Variants in ARMH4 observed in about 807,000 individuals in gnomAD.
ARMH4 encodes the protein armadillo like helical domain containing 4.
A neutral mutation model predicts 61.9 loss-of-function variants in ARMH4; 49 were observed. The ratio of observed to expected loss-of-function variants is 0.79; its 90% CI spans 0.63 to 1.00. The LOEUF (loss-of-function observed/expected upper bound fraction) is 1.00. Among genes scored for constraint, ARMH4 ranks in the 50% least tolerant of loss-of-function variants. The probability of loss-of-function intolerance (pLI) is 0.00; values close to 1 mark genes in which losing one functional copy is unlikely to be tolerated. For synonymous variants in ARMH4, 368 were observed against 341.5 expected (o/e 1.08, Z -0.85); for missense variants, 934 against 930.0 (o/e 1.00, Z -0.06).
intron 4 of ARMH4, among the ~76,000 whole-genome samples, chr14:58,127,393 C>T (rs1475971774): frequency 1.3e-5 from 2 of 152,140 alleles, no homozygotes; most frequent in Non-Finnish European, 2.9e-5. Flanking sequence ...CCTATACAAG[C>T]TCTCTTGCCT....
At position 58,096,878 on chromosome 14, in the gene ARMH4, C is replaced by T. The variant is rs1288177194; in HGVS notation, c.1935G>A (p.Glu645=). ...GCAGCTCAGTGTCACCATCCAAGCC[C>T]TCATCCAGCGAGTCTGCATCTTTAT... ...EEDKDADSLD[E]GLDGDTELPG... Residue 645 remains glutamate (E), a synonymous_variant, in exon 5 of 8, where the codon GAG becomes GAA. Coordinates refer to ENST00000267485, the MANE Select transcript of ARMH4 (RefSeq NM_001001872.4). 4.3e-6 allele frequency: 7 copies of T among 1,614,118 alleles called. No homozygotes were observed. The highest frequency in any genetic ancestry group is 2.2e-5 in the South Asian group (2 of 91,068).
At chr14:58,112,552 A>G (rs1268028227) in intron 4 of ARMH4, among the ~76,000 whole-genome samples, 3 of 152,096 alleles carry the variant, frequency 2.0e-5, no homozygotes, top group African/African-American at 7.2e-5. Context: ...CATAAATTAG[A>G]AATTATATTT....
At chr14:58,055,096 A>C (rs1884294785) in intron 5 of ARMH4, among the ~76,000 whole-genome samples, 1 of 151,838 alleles carries the variant, frequency 6.6e-6, no homozygotes, top group Non-Finnish European at 1.5e-5. Flanking sequence ...TCATAACTTC[A>C]CTCTAATAGC....
intron 6 of ARMH4, among the ~76,000 whole-genome samples, chr14:58,008,004 C>T (rs1882245346): frequency 6.6e-6 from 1 of 152,106 alleles, no homozygotes; most frequent in Non-Finnish European, 1.5e-5. Context: ...AAATGTGTTA[C>T]ATAATCCTAA....
At chr14:58,132,135 G>C (rs1887130537) in intron 3 of ARMH4, among the ~76,000 whole-genome samples, 1 of 152,172 alleles carries the variant, frequency 6.6e-6, no homozygotes, top group Non-Finnish European at 1.5e-5. Flanking sequence ...TAAGAGCCTA[G>C]ATCTGGGTCT....
At chr14:58,099,187 A>G (rs964739178) in intron 4 of ARMH4, among the ~76,000 whole-genome samples, 1 of 152,154 alleles carries the variant, frequency 6.6e-6, no homozygotes, top group Non-Finnish European at 1.5e-5. Context: ...GGGAAGTTTC[A>G]AAGCTAGAGA....
chr14:58,094,101 G>A (rs577967069), intron 5 of ARMH4, among the ~76,000 whole-genome samples: 4 of 152,076 alleles, frequency 2.6e-5, no homozygotes, highest in African/African-American at 7.2e-5. Context: ...AGGCCACGGC[G>A]GGCAGATCAC....
chr14:58,020,151 A>T (rs1882768309), intron 5 of ARMH4, among the ~76,000 whole-genome samples: 1 of 152,194 alleles, frequency 6.6e-6, no homozygotes, highest in Non-Finnish European at 1.5e-5. Flanking sequence ...ACAGTCACAC[A>T]GCTAAAGAGT....
chr14:58,028,399 G>T (rs1883096357), intron 5 of ARMH4, among the ~76,000 whole-genome samples: 3 of 152,096 alleles, frequency 2.0e-5, no homozygotes, highest in Admixed American at 2.0e-4. Context: ...CTCTGAGTTG[G>T]GGATTCTTGC....
At chr14:58,077,183 G>A (rs982574065) in intron 5 of ARMH4, among the ~76,000 whole-genome samples, 1 of 152,138 alleles carries the variant, frequency 6.6e-6, no homozygotes, top group Non-Finnish European at 1.5e-5. Context: ...GCTAACCCAC[G>A]TTTAGTGATT....
At chr14:58,137,858 A>G (rs1027525031) in intron 2 of ARMH4, 132 bp downstream of exon 2, 4 of 911,724 alleles carry the variant, frequency 4.4e-6, no homozygotes, top group Non-Finnish European at 3.2e-6. Context: ...AAATGCTGGG[A>G]TTATAGGCAT....
chr14:58,016,187 A>T (rs113709431), intron 5 of ARMH4, among the ~76,000 whole-genome samples: 141 of 152,248 alleles, frequency 9.3e-4, no homozygotes, highest in Non-Finnish European at 1.6e-3. Context: ...AAATATTTAT[A>T]ATAAAAAGGA....
At chr14:58,032,141 T>C (rs1883261803) in intron 5 of ARMH4, among the ~76,000 whole-genome samples, 1 of 152,038 alleles carries the variant, frequency 6.6e-6, no homozygotes, top group Non-Finnish European at 1.5e-5. Context: ...GAGAGGTCTG[T>C]TCTGGGCCCT....
chr14:58,093,586 G>A (rs527881017), intron 5 of ARMH4, among the ~76,000 whole-genome samples: 4 of 152,204 alleles, frequency 2.6e-5, no homozygotes, highest in East Asian at 1.9e-4. Flanking sequence ...AGACATCTTC[G>A]GGGAGCCATT....
chr14:58,048,099 T>C (rs1884000034), intron 5 of ARMH4, among the ~76,000 whole-genome samples: 1 of 152,202 alleles, frequency 6.6e-6, no homozygotes, highest in South Asian at 2.1e-4. Flanking sequence ...AAAGGAATTC[T>C]CATTAACTGA....
chr14:58,067,355 T>C (rs868276964), intron 5 of ARMH4, among the ~76,000 whole-genome samples: 2 of 152,164 alleles, frequency 1.3e-5, no homozygotes, highest in Admixed American at 6.5e-5. Flanking sequence ...GAGCTTCCAA[T>C]CTAGTGGGAA....
intron 4 of ARMH4, among the ~76,000 whole-genome samples, chr14:58,101,976 G>C (rs1386050077): frequency 6.6e-6 from 1 of 152,200 alleles, no homozygotes; most frequent in Non-Finnish European, 1.5e-5. Flanking sequence ...CTTTCAAGTT[G>C]TGATAAATGC....
intron 4 of ARMH4, among the ~76,000 whole-genome samples, chr14:58,125,097 A>T (rs1241758906): frequency 6.6e-6 from 1 of 152,150 alleles, no homozygotes; most frequent in Non-Finnish European, 1.5e-5. Context: ...TGCCGGGGTC[A>T]TCAGAAAGGA....
At chr14:58,060,703 C>G (rs1033548621) in intron 5 of ARMH4, among the ~76,000 whole-genome samples, 4 of 152,174 alleles carry the variant, frequency 2.6e-5, no homozygotes, top group Non-Finnish European at 4.4e-5. Context: ...CAAAATACCT[C>G]TCTGTCTGAA....
Sources: allele counts gnomAD v4.1 joint callset (sites outside exome capture counted in the v4.1 genomes callset), GRCh38; gene constraint gnomAD v4.1.1; transcripts MANE v1.5; gene names NCBI Gene and HGNC (gene_info 2026-07-23, HGNC 2026-07-21).